The following PABPC4L variants were observed in gnomAD, a reference collection of about 807,000 sequenced individuals.
PABPC4L encodes the protein poly(A) binding protein cytoplasmic 4 like.
For missense variants in PABPC4L, 452 were observed against 451.4 expected, an observed-to-expected ratio of 1.00 and a Z score of -0.01; for synonymous variants, 169 against 164.1, an observed-to-expected ratio of 1.03 and a Z score of -0.23.
chr4:134,174,136 C>T, the PABPC4L span, among the ~76,000 whole-genome samples: 1 of 151,474 alleles, frequency 6.6e-6, no homozygotes, highest in Non-Finnish European at 1.5e-5. Flanking sequence ...TTTCCTAGGC[C>T]TACACGTGGT....
chr4:133,954,465 G>A, the PABPC4L span, among the ~76,000 whole-genome samples: 13 of 152,090 alleles, frequency 8.5e-5, no homozygotes, highest in East Asian at 9.7e-4. Flanking sequence ...ACTTATGAAT[G>A]GGATCTTTGG....
chr4:134,136,473 T>C, the PABPC4L span, among the ~76,000 whole-genome samples: 4 of 152,134 alleles, frequency 2.6e-5, no homozygotes, highest in Non-Finnish European at 5.9e-5. Context: ...TTTTCCTTCC[T>C]GGATTGCCAA....
chr4:134,052,328 T>C, the PABPC4L span, among the ~76,000 whole-genome samples: 1 of 152,080 alleles, frequency 6.6e-6, no homozygotes. Context: ...CCAGTCAAAT[T>C]TGTACAAGGT....
the PABPC4L span, among the ~76,000 whole-genome samples, chr4:134,000,571 C>A: frequency 6.6e-6 from 1 of 152,238 alleles, no homozygotes; most frequent in South Asian, 2.1e-4. Flanking sequence ...TTAACTGGAT[C>A]TCAGAATGCT....
the PABPC4L span, among the ~76,000 whole-genome samples, chr4:134,107,398 G>A: frequency 6.6e-6 from 1 of 151,352 alleles, no homozygotes; most frequent in Non-Finnish European, 1.5e-5. Context: ...TTTATTCATA[G>A]TTAATGAAAT....
chr4:134,061,633 AGAGAGAGAG>A, the PABPC4L span, among the ~76,000 whole-genome samples: 2 of 93,122 alleles, frequency 2.1e-5, no homozygotes, highest in Non-Finnish European at 5.1e-5. Context: ...AGAGAGAGAG[AGAGAGAGAG>A]AGAGAGAGAG....
At chr4:134,081,584 C>T in the PABPC4L span, among the ~76,000 whole-genome samples, 1 of 151,976 alleles carries the variant, frequency 6.6e-6, no homozygotes. Context: ...TTTATCAGTG[C>T]CTGGGGATGT....
chr4:134,083,835 G>A, the PABPC4L span, among the ~76,000 whole-genome samples: 59 of 151,778 alleles, frequency 3.9e-4, no homozygotes, highest in Non-Finnish European at 1.9e-4. Context: ...TTTCCAAATC[G>A]AAAAGCTTAT....
At chr4:134,131,709 G>GA in the PABPC4L span, among the ~76,000 whole-genome samples, 2 of 8,780 alleles carry the variant, frequency 2.3e-4, no homozygotes, top group Admixed American at 2.1e-3. Context: ...AAATTCCTGT[G>GA]AAACCAAAAA....
chr4:134,030,988 T>G, the PABPC4L span, among the ~76,000 whole-genome samples: 1 of 152,032 alleles, frequency 6.6e-6, no homozygotes, highest in Non-Finnish European at 1.5e-5. Context: ...GGTTAAAGAA[T>G]TATTAATATT....
the PABPC4L span, among the ~76,000 whole-genome samples, chr4:134,189,762 G>A: frequency 6.6e-6 from 1 of 151,870 alleles, no homozygotes; most frequent in East Asian, 1.9e-4. Flanking sequence ...CTTTTTGTTG[G>A]TTTTGTTTTC....
At chr4:133,964,426 C>T in the PABPC4L span, among the ~76,000 whole-genome samples, 1 of 151,964 alleles carries the variant, frequency 6.6e-6, no homozygotes, top group Non-Finnish European at 1.5e-5. Flanking sequence ...TGACACTATT[C>T]CACAAGATAG....
At chr4:134,072,666 T>G in the PABPC4L span, among the ~76,000 whole-genome samples, 1 of 152,152 alleles carries the variant, frequency 6.6e-6, no homozygotes, top group African/African-American at 2.4e-5. Context: ...TACACTGGAC[T>G]TGGGTATGAA....
chr4:134,124,848 T>C, the PABPC4L span, among the ~76,000 whole-genome samples: 1 of 152,088 alleles, frequency 6.6e-6, no homozygotes. Flanking sequence ...AGCAACACCA[T>C]GCCTCATGGG....
chr4:134,003,517 T>C, the PABPC4L span, among the ~76,000 whole-genome samples: 1 of 151,952 alleles, frequency 6.6e-6, no homozygotes, highest in Non-Finnish European at 1.5e-5. Context: ...TAAATATTTA[T>C]GGAATAAATA....
the PABPC4L span, among the ~76,000 whole-genome samples, chr4:134,113,417 T>C: frequency 6.6e-6 from 1 of 151,980 alleles, no homozygotes; most frequent in African/African-American, 2.4e-5. Flanking sequence ...CTTTTCCATG[T>C]AACACAAACA....
the PABPC4L span, among the ~76,000 whole-genome samples, chr4:133,995,699 G>A: frequency 1.3e-5 from 2 of 152,152 alleles, no homozygotes; most frequent in Non-Finnish European, 2.9e-5. Context: ...CTTAATTGTT[G>A]TTGTACACTG....
At chr4:134,151,195 G>T in the PABPC4L span, among the ~76,000 whole-genome samples, 1 of 152,054 alleles carries the variant, frequency 6.6e-6, no homozygotes, top group African/African-American at 2.4e-5. Context: ...CCTTGTTCTT[G>T]ACCTGTTTGT....
At chr4:133,955,056 C>T in the PABPC4L span, among the ~76,000 whole-genome samples, 1 of 152,018 alleles carries the variant, frequency 6.6e-6, no homozygotes, top group Admixed American at 6.6e-5. Context: ...ATACAAGTAT[C>T]ACTCTGTAAT....
Sources: gnomAD v4.1 joint callset for allele counts (sites outside exome capture counted in the v4.1 genomes callset) on GRCh38, gnomAD v4.1.1 for gene constraint, MANE v1.5 for transcripts, NCBI Gene and HGNC (gene_info 2026-07-23, HGNC 2026-07-21) for gene names.